Variants in ARMH3 observed in about 807,000 individuals in gnomAD.
ARMH3 encodes the protein armadillo-like helical domain-containing protein 3.
ARMH3 carries 60 observed loss-of-function variants against 99.1 expected under a neutral mutation model. The observed-to-expected ratio is 0.61, with a 90% CI of 0.49 to 0.75. The LOEUF is 0.75. Ranked by LOEUF, ARMH3 falls within the 30% of genes least tolerant of loss-of-function variation. The pLI, the probability that ARMH3 is intolerant of heterozygous loss-of-function variation, is 0.00. For missense variants in ARMH3, 679 were observed against 843.1 expected (o/e 0.81, Z 2.41); for synonymous variants, 285 against 292.8 (o/e 0.97, Z 0.27).
chr10:101,927,392 C>G (rs942820165), intron 23 of ARMH3, among the ~76,000 whole-genome samples: 1 of 152,168 alleles, frequency 6.6e-6, no homozygotes, highest in Non-Finnish European at 1.5e-5. Flanking sequence ...TACTTACCTA[C>G]CTGGGACCAA....
intron 9 of ARMH3, 71 bp downstream of exon 9, chr10:102,013,897 T>C: frequency 7.9e-7 from 1 of 1,270,468 alleles, no homozygotes; most frequent in Non-Finnish European, 1.1e-6. Context: ...CTGTTCTAAA[T>C]GTACTTTCAC....
chr10:102,020,318 T>G (rs1368221111), intron 8 of ARMH3, among the ~76,000 whole-genome samples: 2 of 151,890 alleles, frequency 1.3e-5, no homozygotes, highest in East Asian at 3.9e-4. Context: ...GCAGATCACT[T>G]GAGGTCAGTT....
chr10:101,885,921 G>A (rs922376160), intron 24 of ARMH3, among the ~76,000 whole-genome samples: 2 of 152,078 alleles, frequency 1.3e-5, no homozygotes, highest in Non-Finnish European at 2.9e-5. Context: ...GCTGAGCGTG[G>A]TGGTGGGTGC....
intron 19 of ARMH3, among the ~76,000 whole-genome samples, chr10:101,975,519 C>T (rs1242405845): frequency 1.3e-5 from 2 of 151,884 alleles, no homozygotes; most frequent in African/African-American, 4.8e-5. Context: ...TCATTTGAGG[C>T]TAGGAGTTCA....
chr10:101,978,078 A>G (rs1202920047), intron 19 of ARMH3, among the ~76,000 whole-genome samples: 2 of 152,376 alleles, frequency 1.3e-5, no homozygotes, highest in South Asian at 2.1e-4. Context: ...ACATTTTTCT[A>G]TAATGTTCAA....
rs940514013 is a variant in ARMH3 at position 101,992,139 on chromosome 10, G to C, written c.1276-101C>G. 7.2e-6 allele frequency: 7 copies of C among 970,632 alleles called. No homozygotes were observed. The Admixed American group carries it at 8.9e-5, about 12-fold the overall frequency. 60.1% of individuals were successfully genotyped at this position (970,632 alleles called of 1,614,324 possible). The stretch of plus-strand genomic sequence containing the variant: ...TTGTGCAAATAAAATCACTATTACA[G>C]GGATACTTCCTTTTCTTTCTCTTTT... On this transcript the variant is annotated intron_variant, in intron 17 of 25. Transcript: ENST00000370033.
intron 24 of ARMH3, among the ~76,000 whole-genome samples, chr10:101,861,026 A>C (rs1392929031): frequency 6.6e-6 from 1 of 152,234 alleles, no homozygotes; most frequent in Non-Finnish European, 1.5e-5. Context: ...TAACCAAGAG[A>C]AACAGCAGTC....
intron 11 of ARMH3, among the ~76,000 whole-genome samples, chr10:102,010,347 C>G (rs546958250): frequency 2.6e-5 from 4 of 152,332 alleles, no homozygotes; most frequent in African/African-American, 9.6e-5. Context: ...GTCCCTCTGA[C>G]AGTTAACCTA....
At chr10:102,002,142 A>C in intron 14 of ARMH3, 70 bp from the exon 15 acceptor site, 8 of 1,580,608 alleles carry the variant, frequency 5.1e-6, no homozygotes, top group African/African-American at 1.4e-5. Flanking sequence ...CCACATAGCC[A>C]ATTTGCCAGC....
intron 24 of ARMH3, among the ~76,000 whole-genome samples, chr10:101,875,654 T>C (rs1356952318): frequency 6.6e-6 from 1 of 152,186 alleles, no homozygotes; most frequent in African/African-American, 2.4e-5. Context: ...CTCAGATTTA[T>C]TGATCTGATA....
At chr10:101,852,396 T>C (rs1322604463) in intron 24 of ARMH3, among the ~76,000 whole-genome samples, 2 of 152,104 alleles carry the variant, frequency 1.3e-5, no homozygotes, top group Admixed American at 1.3e-4. Flanking sequence ...GCCAGCATGG[T>C]TTAGTTTAGT....
Position 101,975,201 on chromosome 10 carries a change from G to A in ARMH3, c.1495+11C>T, listed in dbSNP as rs1346789766. The stretch of plus-strand genomic sequence containing the variant: ...TAGAAAAAGGAAGATGAATTCAAGA[G>A]AGAAAGTTACCTGACCAGAGCTCCC... On this transcript the variant is annotated intron_variant, in intron 20 of 25. Transcript: ENST00000370033. 1.2e-6 allele frequency: 2 copies of A among 1,609,306 alleles called. No homozygotes were observed. Among genetic ancestry groups the A allele is most frequent in the South Asian group, 2.2e-5 (2 of 90,866 alleles).
At chr10:102,011,236 C>T (rs752723438) in intron 11 of ARMH3, among the ~76,000 whole-genome samples, 1 of 152,038 alleles carries the variant, frequency 6.6e-6, no homozygotes, top group Non-Finnish European at 1.5e-5. Flanking sequence ...ATCTACTGCA[C>T]GATCGCTCAA....
intron 23 of ARMH3, among the ~76,000 whole-genome samples, chr10:101,909,312 C>T (rs1345264773): frequency 6.6e-6 from 1 of 150,850 alleles, no homozygotes; most frequent in African/African-American, 2.4e-5. Context: ...AAGGCTGATG[C>T]AAGAGGACTG....
intron 23 of ARMH3, among the ~76,000 whole-genome samples, chr10:101,897,982 C>A (rs2067880886): frequency 6.6e-6 from 1 of 152,130 alleles, no homozygotes; most frequent in African/African-American, 2.4e-5. Flanking sequence ...GCTCTCTTTT[C>A]CCAAGTGCCG....
chr10:102,032,620 G>A (rs565119374), intron 4 of ARMH3, among the ~76,000 whole-genome samples: 1 of 151,990 alleles, frequency 6.6e-6, no homozygotes, highest in South Asian at 2.1e-4. Context: ...GGCTGGTCTC[G>A]AACTCCTGAC....
intron 24 of ARMH3, among the ~76,000 whole-genome samples, chr10:101,880,144 A>G (rs2135405338): frequency 6.6e-6 from 1 of 152,374 alleles, no homozygotes; most frequent in Admixed American, 6.5e-5. Context: ...AGGCAGTGAA[A>G]GACTACAATA....
chr10:101,871,957 G>GGCA (rs1197292843), intron 24 of ARMH3, among the ~76,000 whole-genome samples: 2 of 151,918 alleles, frequency 1.3e-5, no homozygotes, highest in Non-Finnish European at 2.9e-5. Flanking sequence ...CCGAGAATGT[G>GGCA]CCACTGCACT....
intron 23 of ARMH3, among the ~76,000 whole-genome samples, chr10:101,905,648 G>C (rs2068084594): frequency 6.6e-6 from 1 of 152,180 alleles, no homozygotes; most frequent in Non-Finnish European, 1.5e-5. Context: ...CAGATCTTAG[G>C]ATAGATGGGA....
Sources: allele counts gnomAD v4.1 joint callset (sites outside exome capture counted in the v4.1 genomes callset), GRCh38; gene constraint gnomAD v4.1.1; transcripts MANE v1.5; gene names NCBI Gene and HGNC (gene_info 2026-07-23, HGNC 2026-07-21).